The following NBEA variants were observed in gnomAD, a reference collection of about 807,000 sequenced individuals.
NBEA encodes the protein neurobeachin.
In NBEA, 44 loss-of-function variants were observed where a neutral mutation model predicts 343.4. The observed-to-expected ratio is 0.13, with a 90% CI of 0.10 to 0.16. The LOEUF (loss-of-function observed/expected upper bound fraction) is 0.16, where lower values mean the gene tolerates loss of function less well. NBEA is among the 10% of genes least tolerant of loss of function. The pLI is 1.00. For synonymous variants in NBEA, 1,175 were observed against 1,238.7 expected (o/e 0.95, Z 1.08); for missense variants, 2,555 against 3,631.3 (o/e 0.70, Z 7.62).
intron 2 of NBEA, among the ~76,000 whole-genome samples, chr13:35,043,336 G>C (rs1277043524): frequency 6.6e-6 from 1 of 151,746 alleles, no homozygotes; most frequent in East Asian, 1.9e-4. Flanking sequence ...ATGAAGTCTT[G>C]TATAACCTGA....
At chr13:35,155,703 T>C (rs1005076900) in intron 18 of NBEA, 71 bp from the exon 19 acceptor site, 2 of 1,168,740 alleles carry the variant, frequency 1.7e-6, no homozygotes, top group Non-Finnish European at 2.5e-6. Context: ...TGCAGGTTCA[T>C]TGTATATCTA....
At chr13:35,341,169 C>T (rs117003038) in intron 36 of NBEA, among the ~76,000 whole-genome samples, 5,489 of 152,016 alleles carry the variant, frequency 0.036, 125 homozygotes, top group Non-Finnish European at 0.045. Flanking sequence ...AAGACGGTCA[C>T]TTCAACAATG....
chr13:35,403,449 C>T (rs1213049060), intron 38 of NBEA, among the ~76,000 whole-genome samples: 7 of 151,858 alleles, frequency 4.6e-5, no homozygotes, highest in African/African-American at 9.7e-5. Flanking sequence ...GAAATAACGC[C>T]GCATGTCTAC....
chr13:35,320,192 A>G (rs1436980247), intron 36 of NBEA, among the ~76,000 whole-genome samples: 1 of 152,102 alleles, frequency 6.6e-6, no homozygotes, highest in Non-Finnish European at 1.5e-5. Context: ...CATAGTGTCG[A>G]TGGACTTTAC....
intron 49 of NBEA, among the ~76,000 whole-genome samples, chr13:35,630,497 C>T (rs1262747521): frequency 6.6e-6 from 1 of 152,124 alleles, no homozygotes; most frequent in African/African-American, 2.4e-5. Context: ...AGCTTCATGA[C>T]CTTCTAGTGA....
chr13:35,550,836 T>G (rs1176412092), intron 42 of NBEA, 94 bp from the exon 43 acceptor site: 9 of 757,632 alleles, frequency 1.2e-5, no homozygotes, highest in African/African-American at 1.8e-5. Flanking sequence ...GCTTTACAAA[T>G]AAATCATGAT....
At chr13:35,400,257 A>G (rs575201797) in intron 38 of NBEA, among the ~76,000 whole-genome samples, 2 of 151,500 alleles carry the variant, frequency 1.3e-5, no homozygotes, top group South Asian at 2.1e-4. Flanking sequence ...AAAGAGCAAT[A>G]AAACAAGATA....
At chr13:35,533,310 A>G (rs1167454689) in intron 41 of NBEA, among the ~76,000 whole-genome samples, 4 of 152,186 alleles carry the variant, frequency 2.6e-5, no homozygotes, top group East Asian at 3.8e-4. Flanking sequence ...CTTTTTTAAA[A>G]GGAAAATGTC....
At chr13:35,328,808 A>G (rs2038747039) in intron 36 of NBEA, among the ~76,000 whole-genome samples, 1 of 151,150 alleles carries the variant, frequency 6.6e-6, no homozygotes, top group African/African-American at 2.4e-5. Flanking sequence ...TAGCCAGCTG[A>G]TTTAAAATTT....
At chr13:35,123,726 A>T (rs1239543739) in intron 17 of NBEA, among the ~76,000 whole-genome samples, 152 bp downstream of exon 17, 2 of 152,272 alleles carry the variant, frequency 1.3e-5, no homozygotes, top group African/African-American at 4.8e-5. Flanking sequence ...AAAATGTTTT[A>T]TAAAATATAT....
intron 47 of NBEA, among the ~76,000 whole-genome samples, chr13:35,603,688 A>G (rs543320045): frequency 6.6e-6 from 1 of 152,324 alleles, no homozygotes; most frequent in East Asian, 1.9e-4. Flanking sequence ...CGTTGTAGAG[A>G]TAGGGCATGA....
intron 21 of NBEA, among the ~76,000 whole-genome samples, chr13:35,157,813 G>A (rs532641975): frequency 5.9e-5 from 9 of 151,936 alleles, no homozygotes; most frequent in Non-Finnish European, 1.3e-4. Flanking sequence ...TTAGATTCTG[G>A]AAATTCAGAG....
intron 38 of NBEA, among the ~76,000 whole-genome samples, chr13:35,357,295 T>G (rs1374131540): frequency 6.6e-6 from 1 of 152,086 alleles, no homozygotes; most frequent in Non-Finnish European, 1.5e-5. Context: ...GTTTTTCTTT[T>G]TTGTTGTTTT....
intron 39 of NBEA, among the ~76,000 whole-genome samples, chr13:35,444,263 G>A (rs1450444203): frequency 6.6e-6 from 1 of 151,828 alleles, no homozygotes; most frequent in Non-Finnish European, 1.5e-5. Context: ...TTTCTGAGAG[G>A]TATATTTATC....
intron 1 of NBEA, among the ~76,000 whole-genome samples, chr13:35,025,718 T>G (rs2152544701): frequency 6.6e-6 from 1 of 152,312 alleles, no homozygotes; most frequent in South Asian, 2.1e-4. Flanking sequence ...CTAGTCTCAC[T>G]TGTCTCTCTT....
intron 36 of NBEA, among the ~76,000 whole-genome samples, chr13:35,339,746 G>C (rs1018206975): frequency 2.6e-5 from 4 of 152,080 alleles, no homozygotes; most frequent in Non-Finnish European, 1.5e-5. Flanking sequence ...GCAAGAGAGA[G>C]GTGGGAGGTG....
At chr13:35,650,276 T>C (rs1222434822) in intron 52 of NBEA, among the ~76,000 whole-genome samples, 1 of 152,206 alleles carries the variant, frequency 6.6e-6, no homozygotes, top group Non-Finnish European at 1.5e-5. Flanking sequence ...GAATGACTAT[T>C]ATGTGTCAAG....
intron 1 of NBEA, among the ~76,000 whole-genome samples, chr13:35,039,825 G>T (rs2152557064): frequency 6.6e-6 from 1 of 152,072 alleles, no homozygotes; most frequent in East Asian, 1.9e-4. Flanking sequence ...TTTTGCCTTT[G>T]CTTCCTCTTT....
At chr13:35,595,747 T>A (rs543907244) in intron 47 of NBEA, among the ~76,000 whole-genome samples, 53 of 152,240 alleles carry the variant, frequency 3.5e-4, no homozygotes, top group African/African-American at 1.3e-3. Context: ...TCCTCAAAGA[T>A]GAAAATTCAC....
Sources: gnomAD v4.1 joint callset for allele counts (sites outside exome capture counted in the v4.1 genomes callset) on GRCh38, gnomAD v4.1.1 for gene constraint, MANE v1.5 for transcripts, NCBI Gene and HGNC (gene_info 2026-07-23, HGNC 2026-07-21) for gene names.